ODAD2: variants seen among roughly 807,000 people sequenced by gnomAD.
ODAD2 encodes the protein outer dynein arm-docking complex subunit 2.
A neutral mutation model predicts 106.8 loss-of-function variants in ODAD2; 89 were observed. The ratio of observed to expected loss-of-function variants is 0.83; its 90% CI spans 0.70 to 0.99. The LOEUF is 0.99. Ranked by LOEUF, ODAD2 falls within the 50% of genes least tolerant of loss-of-function variation. The pLI, the probability that ODAD2 is intolerant of heterozygous loss-of-function variation, is 0.00. For missense variants in ODAD2, 1,168 were observed against 1,238.5 expected (o/e 0.94, Z 0.85); for synonymous variants, 404 against 436.2 (o/e 0.93, Z 0.92).
At chr10:27,979,154 G>A (rs1037930320) in intron 7 of ODAD2, among the ~76,000 whole-genome samples, 3 of 149,998 alleles carry the variant, frequency 2.0e-5, no homozygotes, top group African/African-American at 7.4e-5. Context: ...GGTGAAGGTT[G>A]CAGCGAGCCA....
chr10:27,883,327 T>C lies in ODAD2; in HGVS notation c.2611-20705A>G, dbSNP rs183773104. Among the ~76,000 whole-genome samples the C allele has an allele frequency of 3.3e-5, 5 of 152,164 alleles. No homozygotes were observed. The East Asian group carries it at 9.7e-4, about 29-fold the overall frequency. On this transcript the variant is annotated intron_variant, in intron 17 of 19. Coordinates refer to ENST00000305242, the MANE Select transcript of ODAD2 (RefSeq NM_018076.5). The stretch of plus-strand genomic sequence containing the variant: ...CTCTGGAGTCATGCATGACAAAAAA[T>C]GCATATTTTACAGAATTAGCCCAAG...
At position 27,976,927 on chromosome 10, in the gene ODAD2, TACATTC is replaced by T. The variant is rs894538891; in HGVS notation, c.936+4533_936+4538del. On this transcript the variant is annotated intron_variant, in intron 7 of 19. Coordinates refer to ENST00000305242, the MANE Select transcript of ODAD2 (RefSeq NM_018076.5). Reference sequence around the variant, plus strand: ...AGTTACAGTATGAAGTGTTCAGAAATACATTCACAGACAAATGAACGACTAATTTTT... The same window carrying T: ...AGTTACAGTATGAAGTGTTCAGAAATACAGACAAATGAACGACTAATTTTT... Among the ~76,000 whole-genome samples the T allele has an allele frequency of 9.9e-5, 15 of 152,230 alleles. No homozygotes were observed. In the East Asian group the frequency reaches 2.3e-3, roughly 24 times the overall value.
intron 2 of ODAD2, among the ~76,000 whole-genome samples, chr10:27,991,583 A>T (rs999330101): frequency 3.3e-5 from 5 of 152,206 alleles, no homozygotes; most frequent in Non-Finnish European, 7.3e-5. Context: ...AAATATAAAT[A>T]TATTGCCATC....
chr10:27,967,657 G>A (rs1166137059), intron 9 of ODAD2, among the ~76,000 whole-genome samples: 4 of 152,166 alleles, frequency 2.6e-5, no homozygotes, highest in Admixed American at 6.5e-5. Flanking sequence ...TTGGGAGGCC[G>A]AGGCAGGCAG....
At chr10:27,902,846 C>T (rs1843307994) in intron 17 of ODAD2, among the ~76,000 whole-genome samples, 1 of 152,146 alleles carries the variant, frequency 6.6e-6, no homozygotes, top group African/African-American at 2.4e-5. Flanking sequence ...CAGATGGACT[C>T]ACAGCAGAAT....
chr10:27,948,885 C>T (rs2060871921), intron 10 of ODAD2, among the ~76,000 whole-genome samples: 1 of 144,262 alleles, frequency 6.9e-6, no homozygotes, highest in African/African-American at 2.6e-5. Flanking sequence ...TTCATTGTCA[C>T]CATTAGGTTT....
At chr10:27,930,069 T>C (rs1179185802) in intron 16 of ODAD2, among the ~76,000 whole-genome samples, 2 of 152,010 alleles carry the variant, frequency 1.3e-5, no homozygotes, top group African/African-American at 2.4e-5. Context: ...TAACATTTTA[T>C]ATATTTTTAT....
Position 27,812,299 on chromosome 10 carries a change from C to T in ODAD2, c.*213G>A, listed in dbSNP as rs868479979. 2 of 530,638 alleles carry T rather than the reference C, an allele frequency of 3.8e-6. No individual in the cohort carries two copies. The highest frequency in any genetic ancestry group is 7.1e-5 in the East Asian group (2 of 28,332). The allele number at this position is 530,638 out of a possible 1,614,324, so 32.9% of individuals were successfully genotyped here. A position where few individuals can be genotyped will look rare whatever the true frequency, so the allele number is the denominator to read the frequency against. On this transcript the variant is annotated 3_prime_UTR_variant, in exon 20 of 20. Coordinates refer to ENST00000305242, the MANE Select transcript of ODAD2 (RefSeq NM_018076.5). ...CAGGTTTATTGGCTTTCCATCTTAT[C>T]ACATGTCATATCTCGAAAACATTAA...
chr10:27,882,188 A>AGAAG (rs1437937112), intron 17 of ODAD2, among the ~76,000 whole-genome samples: 3 of 149,734 alleles, frequency 2.0e-5, no homozygotes, highest in Non-Finnish European at 4.5e-5. Context: ...AAAGAAAGAA[A>AGAAG]GAAAGAAAGA....
At chr10:27,822,172 G>A (rs1836664478) in intron 19 of ODAD2, among the ~76,000 whole-genome samples, 1 of 152,146 alleles carries the variant, frequency 6.6e-6, no homozygotes, top group African/African-American at 2.4e-5. Context: ...TCTCCTGGAA[G>A]GTGTGACAAA....
chr10:27,984,676 C>T (rs1053538360), intron 4 of ODAD2, among the ~76,000 whole-genome samples: 38 of 152,222 alleles, frequency 2.5e-4, no homozygotes, highest in African/African-American at 8.9e-4. Flanking sequence ...TTGCATGAAA[C>T]CCCACCAGAA....
chr10:27,825,241 A>T (rs1836946478), intron 19 of ODAD2, among the ~76,000 whole-genome samples: 1 of 152,224 alleles, frequency 6.6e-6, no homozygotes, highest in Non-Finnish European at 1.5e-5. Context: ...GGTCTGAGCC[A>T]CTACTATCTC....
At chr10:27,881,484 A>T (rs1324191357) in intron 17 of ODAD2, among the ~76,000 whole-genome samples, 3 of 152,066 alleles carry the variant, frequency 2.0e-5, no homozygotes, top group Non-Finnish European at 4.4e-5. Flanking sequence ...AAAAAAATTA[A>T]AAATTAACTG....
intron 10 of ODAD2, among the ~76,000 whole-genome samples, chr10:27,950,451 T>C (rs1847252441): frequency 6.6e-6 from 1 of 152,190 alleles, no homozygotes; most frequent in Non-Finnish European, 1.5e-5. Flanking sequence ...AAAGAGAGAA[T>C]ACTGTTTCCC....
At chr10:27,974,720 G>A (rs1258297517) in intron 7 of ODAD2, among the ~76,000 whole-genome samples, 2 of 148,174 alleles carry the variant, frequency 1.3e-5, no homozygotes, top group African/African-American at 2.5e-5. Context: ...GATTGCCTTG[G>A]CTATTCTTTT....
chr10:27,814,463 C>T (rs1402591139), intron 19 of ODAD2, among the ~76,000 whole-genome samples: 1 of 152,136 alleles, frequency 6.6e-6, no homozygotes, highest in East Asian at 1.9e-4. Flanking sequence ...GGATGTCTGC[C>T]CTCTCAGTTC....
chr10:27,950,204 A>G (rs1847233808), intron 10 of ODAD2, among the ~76,000 whole-genome samples: 1 of 152,160 alleles, frequency 6.6e-6, no homozygotes, highest in Non-Finnish European at 1.5e-5. Flanking sequence ...AACCCCTGCC[A>G]GTAACTGTTC....
intron 19 of ODAD2, among the ~76,000 whole-genome samples, chr10:27,831,568 A>G (rs1837481139): frequency 1.3e-5 from 2 of 152,250 alleles, no homozygotes; most frequent in Admixed American, 1.3e-4. Flanking sequence ...AAGATTAAGC[A>G]ACTTGCCCAA....
At chr10:27,827,066 C>A (rs1347292951) in intron 19 of ODAD2, among the ~76,000 whole-genome samples, 1 of 152,174 alleles carries the variant, frequency 6.6e-6, no homozygotes, top group Non-Finnish European at 1.5e-5. Context: ...TTTTCAATAA[C>A]ACTTGTCCCA....
Sources: allele counts gnomAD v4.1 joint callset (sites outside exome capture counted in the v4.1 genomes callset), GRCh38; gene constraint gnomAD v4.1.1; transcripts MANE v1.5; gene names NCBI Gene and HGNC (gene_info 2026-07-23, HGNC 2026-07-21).